Variants in PDE6D observed in about 807,000 individuals in gnomAD.
PDE6D encodes the protein phosphodiesterase 6D, also known as retinal rod rhodopsin-sensitive cGMP 3',5'-cyclic phosphodiesterase subunit delta.
A neutral mutation model predicts 21.9 loss-of-function variants in PDE6D; 10 were observed. The observed-to-expected ratio is 0.46, with a 90% CI of 0.28 to 0.78. The LOEUF (loss-of-function observed/expected upper bound fraction) is 0.78. Among genes scored for constraint, PDE6D ranks in the 30% least tolerant of loss-of-function variants. The pLI, the probability that PDE6D is intolerant of heterozygous loss-of-function variation, is 0.12. For synonymous variants in PDE6D, 59 were observed against 63.5 expected, an observed-to-expected ratio of 0.93 and a Z score of 0.34; for missense variants, 139 against 184.8, an observed-to-expected ratio of 0.75 and a Z score of 1.44.
intron 1 of PDE6D, among the ~76,000 whole-genome samples, chr2:231,754,002 C>A (rs1426082117): frequency 6.6e-6 from 1 of 152,204 alleles, no homozygotes; most frequent in African/African-American, 2.4e-5. Context: ...TTGTCTGAAG[C>A]TTCTCATAAG....
intron 1 of PDE6D, among the ~76,000 whole-genome samples, chr2:231,763,363 C>T (rs1196893300): frequency 6.6e-6 from 1 of 151,988 alleles, no homozygotes; most frequent in African/African-American, 2.4e-5. Flanking sequence ...TTTTCCTTGC[C>T]TACTACTATA....
intron 1 of PDE6D, among the ~76,000 whole-genome samples, chr2:231,773,107 T>G (rs1258460346): frequency 6.6e-6 from 1 of 152,110 alleles, no homozygotes; most frequent in East Asian, 1.9e-4. Flanking sequence ...CTGGGTATAG[T>G]GGTGCACACC....
chr2:231,763,350 CT>C (rs2048946557), intron 1 of PDE6D, among the ~76,000 whole-genome samples: 2 of 152,116 alleles, frequency 1.3e-5, no homozygotes, highest in Non-Finnish European at 2.9e-5. Context: ...CTCTATTCTC[CT>C]TTTTTCCTTG....
rs770187087 is a variant in PDE6D, at chr2:231,732,922, A to C, written c.*30T>G. ...GTTTCCTCCTCCCTCCAAAAAACCC[A>C]AATTCTTGAAATGTACACACATTCT... is the stretch of plus-strand genomic sequence containing the variant. On this transcript the variant is annotated 3_prime_UTR_variant, in exon 5 of 5. Coordinates refer to ENST00000287600, the MANE Select transcript of PDE6D (RefSeq NM_002601.4). 6.6e-7 allele frequency: 1 copy of C among 1,503,884 alleles called. No individual in the cohort carries two copies. Among genetic ancestry groups the C allele is most frequent in the Non-Finnish European group, 9.2e-7 (1 of 1,088,474 alleles). 93.2% of individuals were successfully genotyped at this position (1,503,884 alleles called of 1,614,324 possible).
chr2:231,759,762 A>C (rs1254217484), intron 1 of PDE6D, among the ~76,000 whole-genome samples: 1 of 152,156 alleles, frequency 6.6e-6, no homozygotes, highest in Admixed American at 6.5e-5. Context: ...AACTAACAAC[A>C]AACAGTGAAC....
intron 1 of PDE6D, among the ~76,000 whole-genome samples, chr2:231,754,131 T>A (rs949403216): frequency 6.6e-6 from 1 of 152,138 alleles, no homozygotes; most frequent in African/African-American, 2.4e-5. Context: ...AATAAACCTC[T>A]CCCTAACTTA....
chr2:231,775,428 G>C (rs966924098), intron 1 of PDE6D, among the ~76,000 whole-genome samples: 1 of 150,986 alleles, frequency 6.6e-6, no homozygotes, highest in Non-Finnish European at 1.5e-5. Context: ...CCTCACCTCA[G>C]CCTCCCAGTA....
chr2:231,762,071 C>T (rs564733857), intron 1 of PDE6D, among the ~76,000 whole-genome samples: 1 of 152,270 alleles, frequency 6.6e-6, no homozygotes, highest in South Asian at 2.1e-4. Context: ...ACAATGTTCT[C>T]TTGGGGATAT....
intron 1 of PDE6D, among the ~76,000 whole-genome samples, chr2:231,758,502 G>A (rs1195101990): frequency 1.3e-5 from 2 of 152,136 alleles, no homozygotes; most frequent in Non-Finnish European, 2.9e-5. Context: ...ATGTACAACA[G>A]TGCTTCTCAG....
Position 231,752,521 on chromosome 2 carries a change from A to T in PDE6D, c.51-13333T>A, listed in dbSNP as rs189773835. Among the ~76,000 whole-genome samples the T allele has an allele frequency of 1.4e-3, 216 of 152,340 alleles. 1 individual carries two copies. Among genetic ancestry groups the T allele is most frequent in the Non-Finnish European group, 2.5e-3 (168 of 68,020 alleles). ...TTATGGAAGTGACTTTTTATGAACAACTTCAAATTCTCTAATAAAAGCATA... is the reference window on the plus strand; with the variant it reads ...TTATGGAAGTGACTTTTTATGAACATCTTCAAATTCTCTAATAAAAGCATA... On this transcript the variant is annotated intron_variant, in intron 1 of 4. Coordinates refer to ENST00000287600, the MANE Select transcript of PDE6D (RefSeq NM_002601.4).
At chr2:231,757,571 C>T (rs1034788779) in intron 1 of PDE6D, among the ~76,000 whole-genome samples, 4 of 152,176 alleles carry the variant, frequency 2.6e-5, no homozygotes, top group African/African-American at 7.2e-5. Flanking sequence ...GGGTTACAGG[C>T]GGGAGCCACT....
In PDE6D at chr2:231,781,149, T is replaced by G; in HGVS notation, c.-35A>C. On this transcript the variant is annotated 5_prime_UTR_variant, in exon 1 of 5. Transcript: ENST00000287600. ...GTCGCCGCCCGCGGCTTTCTCACTC[T>G]GGTCGGCGGAGCCTCGCAGACGGTG... is the stretch of plus-strand genomic sequence containing the variant. The G allele has an allele frequency of 6.2e-7, 1 of 1,609,068 alleles. No homozygotes were observed. The highest frequency in any genetic ancestry group is 2.2e-5 in the East Asian group (1 of 44,782).
chr2:231,781,174 GC>G lies in PDE6D; in HGVS notation c.-61del. ...TGGTCGGCGGAGCCTCGCAGACGGTGCCCAGGAGCCGAGGATGGAGCCGCAG... is the reference window on the plus strand; with the variant it reads ...TGGTCGGCGGAGCCTCGCAGACGGTGCCAGGAGCCGAGGATGGAGCCGCAG... On this transcript the variant is annotated 5_prime_UTR_variant, in exon 1 of 5. Transcript: ENST00000287600. 1 of 1,551,828 alleles carries G rather than the reference GC, an allele frequency of 6.4e-7. No homozygotes were observed. Among genetic ancestry groups the G allele is most frequent in the Non-Finnish European group, 8.9e-7 (1 of 1,127,856 alleles).
intron 1 of PDE6D, among the ~76,000 whole-genome samples, chr2:231,772,135 G>A (rs932785511): frequency 6.9e-6 from 1 of 144,004 alleles, no homozygotes; most frequent in South Asian, 2.2e-4. Context: ...TAGAACAGTT[G>A]TTTTTTTTTT....
chr2:231,774,810 C>T (rs1211770647), intron 1 of PDE6D, among the ~76,000 whole-genome samples: 4 of 151,884 alleles, frequency 2.6e-5, no homozygotes, highest in African/African-American at 9.7e-5. Flanking sequence ...AGGCTGGCCT[C>T]GAATCCCTGA....
chr2:231,765,143 C>T (rs1049169950), intron 1 of PDE6D, among the ~76,000 whole-genome samples: 18 of 151,596 alleles, frequency 1.2e-4, no homozygotes, highest in Non-Finnish European at 1.8e-4. Flanking sequence ...TACAGTGGTG[C>T]GTGCCTATAG....
intron 1 of PDE6D, among the ~76,000 whole-genome samples, chr2:231,764,679 C>CA (rs2048956135): frequency 6.6e-6 from 1 of 152,178 alleles, no homozygotes; most frequent in Non-Finnish European, 1.5e-5. Flanking sequence ...CAGTCTCTGC[C>CA]ATACATTCCA....
At chr2:231,773,784 AG>A (rs1197281397) in intron 1 of PDE6D, among the ~76,000 whole-genome samples, 2 of 152,200 alleles carry the variant, frequency 1.3e-5, no homozygotes, top group African/African-American at 4.8e-5. Flanking sequence ...GATAAACATG[AG>A]GTATATATCA....
intron 1 of PDE6D, among the ~76,000 whole-genome samples, chr2:231,778,495 A>G (rs1419961179): frequency 2.6e-5 from 4 of 151,848 alleles, no homozygotes; most frequent in Admixed American, 2.0e-4. Flanking sequence ...AATAGAAGAG[A>G]TGTGCAACTT....
Sources: allele counts gnomAD v4.1 joint callset (sites outside exome capture counted in the v4.1 genomes callset), GRCh38; gene constraint gnomAD v4.1.1; transcripts MANE v1.5; gene names NCBI Gene and HGNC (gene_info 2026-07-23, HGNC 2026-07-21).